HYDIN: variants seen among roughly 807,000 people sequenced by gnomAD.
HYDIN encodes HYDIN axonemal central pair apparatus protein, also known as axonemal central pair apparatus protein HYDIN.
In HYDIN, 132 loss-of-function variants were observed where a neutral mutation model predicts 403.9. The ratio of observed to expected loss-of-function variants is 0.33; its 90% confidence interval spans 0.28 to 0.38. The LOEUF is 0.38. Among genes scored for constraint, HYDIN ranks in the 10% least tolerant of loss-of-function variants. The probability of loss-of-function intolerance (pLI) is 1.00; values close to 1 mark genes in which losing one functional copy is unlikely to be tolerated. For synonymous variants in HYDIN, 1,202 were observed against 1,891.7 expected (o/e 0.64, Z 9.46); for missense variants, 2,827 against 5,009.5 (o/e 0.56, Z 13.15).
At chr16:70,923,647 CAAAAAAAAA>C (rs57860871) in intron 45 of HYDIN, among the ~76,000 whole-genome samples, 4 of 69,290 alleles carry the variant, frequency 5.8e-5, no homozygotes, top group Admixed American at 1.7e-4. Context: ...CTAAAAAATA[CAAAAAAAAA>C]AAAAAAAAAA....
Position 70,930,234 on chromosome 16 carries a change from A to G in HYDIN, c.7158+5718T>C, listed in dbSNP as rs2077276522. Among the ~76,000 whole-genome samples, 5 of 152,382 alleles carry G rather than the reference A, an allele frequency of 3.3e-5. No individual in the cohort carries two copies. The South Asian group carries it at 1.0e-3, about 32-fold the overall frequency. On this transcript the variant is annotated intron_variant, in intron 45 of 85. Transcript: ENST00000393567. ...AGTGGCTCACGCCTGTAATCCCAGC[A>G]CTTTCAGAGGCCGAGGTGGGAGGGT...
At chr16:70,842,844 C>T (rs1774473) in intron 75 of HYDIN, among the ~76,000 whole-genome samples, 5 of 151,766 alleles carry the variant, frequency 3.3e-5, no homozygotes. Flanking sequence ...TCCATTACTG[C>T]CTTCTTTTGT....
chr16:71,192,555 T>A (rs1044263080), intron 1 of HYDIN, among the ~76,000 whole-genome samples: 1 of 152,182 alleles, frequency 6.6e-6, no homozygotes, highest in Non-Finnish European at 1.5e-5. Context: ...CAGACTCACA[T>A]GTAACACCAG....
chr16:71,229,588 T>C (rs1214171110), intron 1 of HYDIN, among the ~76,000 whole-genome samples: 1 of 152,200 alleles, frequency 6.6e-6, no homozygotes, highest in East Asian at 1.9e-4. Flanking sequence ...TACTGTTACA[T>C]ACAACAACAT....
intron 10 of HYDIN, among the ~76,000 whole-genome samples, chr16:71,108,146 C>A (rs988140350): frequency 6.6e-6 from 1 of 152,014 alleles, no homozygotes. Context: ...AAGAGGGGAA[C>A]AACAGACACT....
At chr16:71,177,970 A>G (rs558388179) in intron 4 of HYDIN, among the ~76,000 whole-genome samples, 32 of 152,316 alleles carry the variant, frequency 2.1e-4, no homozygotes, top group African/African-American at 7.5e-4. Context: ...ACAGTGAGAG[A>G]AGCCTTCAAA....
At chr16:71,219,572 C>A (rs1167888687) in intron 1 of HYDIN, among the ~76,000 whole-genome samples, 2 of 152,118 alleles carry the variant, frequency 1.3e-5, no homozygotes, top group East Asian at 1.9e-4. Flanking sequence ...GCCTTTCTAT[C>A]AAGCACAGAA....
intron 17 of HYDIN, among the ~76,000 whole-genome samples, 160 bp from the exon 18 acceptor site, chr16:71,060,816 TG>T (rs2082053594): frequency 6.6e-6 from 1 of 151,552 alleles, no homozygotes; most frequent in Admixed American, 6.6e-5. Flanking sequence ...GCGAGGGCCA[TG>T]CTGGTCAGAC....
At chr16:71,045,375 G>A (rs1480056459) in intron 18 of HYDIN, among the ~76,000 whole-genome samples, 1 of 152,192 alleles carries the variant, frequency 6.6e-6, no homozygotes, top group Non-Finnish European at 1.5e-5. Context: ...TGTGCTAAGA[G>A]TCCCTTTTGG....
chr16:70,871,812 G>C (rs1250101835), intron 65 of HYDIN, among the ~76,000 whole-genome samples: 1 of 130,654 alleles, frequency 7.7e-6, no homozygotes, highest in Non-Finnish European at 1.6e-5. Flanking sequence ...CAGCAGCCTA[G>C]CAACAGTTTT....
chr16:70,874,555 AG>A lies in HYDIN; in HGVS notation c.10697del (p.Pro3566LeufsTer19), dbSNP rs1259220660. The stretch of plus-strand genomic sequence containing the variant: ...CGACATCAAATTCAGCTGTATCTCC[AG>A]GAGAAACAACCAAGGAGGCTGTGTG... ...KAHTASLVVS[P>X]GDTAEFDVVF... On this transcript the variant is annotated frameshift_variant, in exon 64 of 86. Coordinates refer to ENST00000393567, the MANE Select transcript of HYDIN (RefSeq NM_001270974.2). LOFTEE classifies it high-confidence loss of function. 1.7e-6 allele frequency: 1 copy of A among 593,010 alleles called. No individual in the cohort carries two copies. The highest frequency in any genetic ancestry group is 2.2e-5 in the African/African-American group (1 of 45,066). The allele number at this position is 593,010 out of a possible 1,614,324, so 36.7% of individuals were successfully genotyped here.
Position 70,883,918 on chromosome 16 carries a change from A to C in HYDIN, c.9979+2T>G, listed in dbSNP as rs1209394481. ...GTGCTGTCCAATGTGAGTGGTCAGT[A>C]CCTGGTAGACAGGCTTCAGCTAGCA... On this transcript the variant is annotated splice_donor_variant, in intron 59 of 85. Coordinates refer to ENST00000393567, the MANE Select transcript of HYDIN (RefSeq NM_001270974.2). LOFTEE classifies it high-confidence loss of function. 1 of 1,613,292 alleles carries C rather than the reference A, an allele frequency of 6.2e-7. No homozygotes were observed. Among genetic ancestry groups the C allele is most frequent in the Non-Finnish European group, 8.5e-7 (1 of 1,179,964 alleles).
At position 70,808,032 on chromosome 16, in the gene HYDIN, G is replaced by C. The variant is rs1478668028; in HGVS notation, c.14914C>G (p.Leu4972Val). Residue 4972 changes from leucine (L) to valine (V), a missense_variant, in exon 86 of 86, where the codon CTC becomes GTC. Leu to Val is a conservative substitution (Grantham distance 32). Transcript: ENST00000393567. ...TGGCCTCCTGGGGCTGCATTAATGA[G>C]TTTTTCTGCGTGGAAGTCTGTACAG... The part of the protein sequence containing the change: ...TDCTDFHAEK[L>V]INAAPGGQGG... 1 of 1,612,964 alleles carries C rather than the reference G, an allele frequency of 6.2e-7. No individual in the cohort carries two copies. Among genetic ancestry groups the C allele is most frequent in the Non-Finnish European group, 8.5e-7 (1 of 1,179,422 alleles).
chr16:71,124,482 G>C (rs1289624849), intron 9 of HYDIN, among the ~76,000 whole-genome samples: 2 of 151,608 alleles, frequency 1.3e-5, no homozygotes, highest in Admixed American at 1.3e-4. Context: ...AAGAGCCTCT[G>C]AAACAGGAAC....
Position 71,214,942 on chromosome 16 carries a change from C to A in HYDIN, c.-24+15620G>T, listed in dbSNP as rs975439671. Among the ~76,000 whole-genome samples, 3 of 152,274 alleles carry A rather than the reference C, an allele frequency of 2.0e-5. No individual in the cohort carries two copies. In the East Asian group the frequency reaches 5.8e-4, roughly 29 times the overall value. ...AGGCTCTGTCTCCTTGGCAGAGATCCAGGATAAGATAATGGAGAGATCTGC... is the reference window on the plus strand; with the variant it reads ...AGGCTCTGTCTCCTTGGCAGAGATCAAGGATAAGATAATGGAGAGATCTGC... On this transcript the variant is annotated intron_variant, in intron 1 of 85. Transcript: ENST00000393567.
In HYDIN at chr16:71,203,828, G is replaced by A. The variant is rs979888572; in HGVS notation, c.-23-16910C>T. 14 of 455,380 alleles carry A rather than the reference G, an allele frequency of 3.1e-5. 1 individual carries two copies. The highest frequency in any genetic ancestry group is 9.4e-5 in the Admixed American group (4 of 42,546). The allele number at this position is 455,380 out of a possible 1,614,324, so 28.2% of individuals were successfully genotyped here. On this transcript the variant is annotated intron_variant, in intron 1 of 85. Transcript: ENST00000393567. ...AAATAGTTCCCCAGCACATTGGGAG[G>A]CCGAGGTGGGCAGATCACTTGAGCT... is the stretch of plus-strand genomic sequence containing the variant.
chr16:71,189,235 G>A (rs1419754272), intron 1 of HYDIN, among the ~76,000 whole-genome samples: 2 of 152,134 alleles, frequency 1.3e-5, no homozygotes, highest in Admixed American at 6.5e-5. Context: ...GTTACCTACA[G>A]AAGGAGTAAA....
chr16:71,194,563 A>G (rs927592051), intron 1 of HYDIN, among the ~76,000 whole-genome samples: 1 of 152,238 alleles, frequency 6.6e-6, no homozygotes, highest in African/African-American at 2.4e-5. Flanking sequence ...TCCTCACTAA[A>G]TAATGGAGAT....
intron 1 of HYDIN, among the ~76,000 whole-genome samples, chr16:71,210,995 T>A (rs1364279): frequency 1.3e-5 from 2 of 151,802 alleles, no homozygotes; most frequent in African/African-American, 4.8e-5. Flanking sequence ...ATAAAAATCA[T>A]ATAACATGAC....
Sources: gnomAD v4.1 joint callset for allele counts (sites outside exome capture counted in the v4.1 genomes callset) on GRCh38, gnomAD v4.1.1 for gene constraint, MANE v1.5 for transcripts, NCBI Gene and HGNC (gene_info 2026-07-23, HGNC 2026-07-21) for gene names.